Variants in CSMD1 observed in about 807,000 individuals in gnomAD.
CSMD1 encodes CUB and Sushi multiple domains 1.
In CSMD1, 213 loss-of-function variants were observed where a neutral mutation model predicts 417.5. The ratio of observed to expected loss-of-function variants is 0.51; its 90% CI spans 0.46 to 0.57. The LOEUF (loss-of-function observed/expected upper bound fraction) is 0.57, where lower values mean the gene tolerates loss of function less well. CSMD1 is among the 20% of genes least tolerant of loss of function. The pLI is 0.00. For synonymous variants in CSMD1, 2,862 were observed against 1,736.8 expected, an observed-to-expected ratio of 1.65 and a Z score of -16.11; for missense variants, 6,923 against 4,529.7, an observed-to-expected ratio of 1.53 and a Z score of -15.17.
At chr8:4,047,365 C>T (rs867818479) in intron 3 of CSMD1, among the ~76,000 whole-genome samples, 2 of 152,094 alleles carry the variant, frequency 1.3e-5, no homozygotes, top group Admixed American at 6.6e-5. Flanking sequence ...CGGTCCTGCT[C>T]ATGGAATAGG....
chr8:3,266,514 G>A (rs1471749727), intron 26 of CSMD1, among the ~76,000 whole-genome samples: 1 of 147,844 alleles, frequency 6.8e-6, no homozygotes, highest in Non-Finnish European at 1.5e-5. Flanking sequence ...GCTGAGGCAG[G>A]AGAATCACTT....
Position 4,842,150 on chromosome 8 carries a change from G to T in CSMD1, c.85+152182C>A, listed in dbSNP as rs1389740621. 2.0e-5 allele frequency among the ~76,000 whole-genome samples: 3 copies of T among 152,178 alleles called. No individual in the cohort carries two copies. In the South Asian group the frequency reaches 6.2e-4, roughly 32 times the overall value. On this transcript the variant is annotated intron_variant, in intron 1 of 69. Coordinates refer to ENST00000635120, the MANE Select transcript of CSMD1 (RefSeq NM_033225.6). Reference sequence around the variant, plus strand: ...CAGCCAAACCGCCTTAGAACTTGCAGTATTATTGAAAACATAAGCCAGACA... The same window carrying T: ...CAGCCAAACCGCCTTAGAACTTGCATTATTATTGAAAACATAAGCCAGACA...
intron 23 of CSMD1, among the ~76,000 whole-genome samples, chr8:3,342,425 G>C (rs762355427): frequency 6.6e-6 from 1 of 152,098 alleles, no homozygotes. Flanking sequence ...GTATGATATA[G>C]TTTTTACATT....
intron 3 of CSMD1, among the ~76,000 whole-genome samples, chr8:4,377,468 A>G (rs1398525350): frequency 6.6e-6 from 1 of 152,128 alleles, no homozygotes; most frequent in Non-Finnish European, 1.5e-5. Flanking sequence ...TAAATTACTA[A>G]CAAGTCAATT....
rs577178377 is a variant in CSMD1, at chr8:4,827,460, G to A, written c.85+166872C>T. 2.6e-5 allele frequency among the ~76,000 whole-genome samples: 4 copies of A among 152,258 alleles called. No homozygotes were observed. In the East Asian group the frequency reaches 7.7e-4, roughly 29 times the overall value. Reference sequence around the variant, plus strand: ...TCTCTTCTTTGCAGAAACCTCTTCAGCAAGTCAAAACAAAGTGCACTTAAG... The same window carrying A: ...TCTCTTCTTTGCAGAAACCTCTTCAACAAGTCAAAACAAAGTGCACTTAAG... On this transcript the variant is annotated intron_variant, in intron 1 of 69. Transcript: ENST00000635120.
At chr8:3,954,760 G>A (rs1276795860) in intron 5 of CSMD1, among the ~76,000 whole-genome samples, 2 of 151,750 alleles carry the variant, frequency 1.3e-5, no homozygotes, top group Non-Finnish European at 3.0e-5. Flanking sequence ...TCAGAACTGA[G>A]CATGCGTAAT....
At chr8:4,335,864 G>T (rs572022023) in intron 3 of CSMD1, among the ~76,000 whole-genome samples, 1 of 152,068 alleles carries the variant, frequency 6.6e-6, no homozygotes, top group Non-Finnish European at 1.5e-5. Context: ...GGGGAGAACA[G>T]GGGGACGAGA....
At chr8:3,369,763 T>G (rs561968503) in intron 18 of CSMD1, among the ~76,000 whole-genome samples, 1 of 152,272 alleles carries the variant, frequency 6.6e-6, no homozygotes, top group Non-Finnish European at 1.5e-5. Context: ...GACACTCATT[T>G]TGGAAAAAAA....
At chr8:4,741,949 T>C (rs995671199) in intron 1 of CSMD1, among the ~76,000 whole-genome samples, 6 of 146,236 alleles carry the variant, frequency 4.1e-5, no homozygotes, top group Admixed American at 2.1e-4. Context: ...TCTTCCCATC[T>C]TAGCCTCCAG....
intron 2 of CSMD1, among the ~76,000 whole-genome samples, chr8:4,458,388 T>C (rs1415499122): frequency 1.3e-5 from 2 of 152,188 alleles, no homozygotes; most frequent in African/African-American, 4.8e-5. Flanking sequence ...CCTAAAGTTA[T>C]TACAAGTTTA....
chr8:4,783,550 G>T (rs1454172863), intron 1 of CSMD1, among the ~76,000 whole-genome samples: 2 of 152,296 alleles, frequency 1.3e-5, no homozygotes, highest in South Asian at 2.1e-4. Context: ...GCTTTCCCTG[G>T]TTCTAAGGAA....
chr8:4,831,420 C>T (rs891618619), intron 1 of CSMD1, among the ~76,000 whole-genome samples: 1 of 152,194 alleles, frequency 6.6e-6, no homozygotes, highest in African/African-American at 2.4e-5. Flanking sequence ...TGAATAACTA[C>T]AAATATCCAT....
intron 23 of CSMD1, among the ~76,000 whole-genome samples, chr8:3,315,839 T>C (rs543585147): frequency 6.6e-6 from 1 of 152,224 alleles, no homozygotes; most frequent in Non-Finnish European, 1.5e-5. Context: ...AAGTTAATCA[T>C]ACCTAAGAAT....
intron 1 of CSMD1, among the ~76,000 whole-genome samples, chr8:4,949,654 A>G (rs1808604816): frequency 6.6e-6 from 1 of 152,194 alleles, no homozygotes; most frequent in African/African-American, 2.4e-5. Context: ...CCACATGGCA[A>G]TAGTGCCAAG....
intron 12 of CSMD1, among the ~76,000 whole-genome samples, chr8:3,423,364 T>G (rs535100717): frequency 1.1e-4 from 17 of 152,320 alleles, no homozygotes; most frequent in Non-Finnish European, 2.1e-4. Flanking sequence ...TGGCAACCAG[T>G]GATCTGATTT....
chr8:3,173,473 G>C (rs1306949770), intron 37 of CSMD1, among the ~76,000 whole-genome samples: 2 of 152,200 alleles, frequency 1.3e-5, no homozygotes, highest in Admixed American at 6.5e-5. Context: ...TGCATTGTTT[G>C]TGGCCAAACT....
chr8:4,659,009 G>T (rs530227119), intron 1 of CSMD1, among the ~76,000 whole-genome samples: 38 of 152,154 alleles, frequency 2.5e-4, no homozygotes, highest in African/African-American at 9.2e-4. Context: ...AATACATAAA[G>T]GGAAATGAGA....
intron 10 of CSMD1, among the ~76,000 whole-genome samples, chr8:3,536,920 C>T (rs1331057892): frequency 1.3e-5 from 2 of 152,168 alleles, no homozygotes; most frequent in African/African-American, 2.4e-5. Flanking sequence ...TGTACGATTG[C>T]CCTAGTCGTC....
At chr8:3,684,324 A>G (rs1331735745) in intron 7 of CSMD1, among the ~76,000 whole-genome samples, 1 of 145,708 alleles carries the variant, frequency 6.9e-6, no homozygotes, top group African/African-American at 2.5e-5. Flanking sequence ...ATATATAGCT[A>G]TATGTTATAT....
Sources: gnomAD v4.1 joint callset for allele counts (sites outside exome capture counted in the v4.1 genomes callset) on GRCh38, gnomAD v4.1.1 for gene constraint, MANE v1.5 for transcripts, NCBI Gene and HGNC (gene_info 2026-07-23, HGNC 2026-07-21) for gene names.